Variants in EFNA5 observed in about 807,000 individuals in gnomAD.
EFNA5 encodes ephrin A5.
In EFNA5, 5 loss-of-function variants were observed where a neutral mutation model predicts 22.9. The observed-to-expected ratio is 0.22, with a 90% CI of 0.11 to 0.46. The LOEUF (loss-of-function observed/expected upper bound fraction) is 0.46, where lower values mean the gene tolerates loss of function less well. EFNA5 is among the 20% of genes least tolerant of loss of function. The pLI is 0.99. For missense variants in EFNA5, 237 were observed against 293.3 expected (o/e 0.81, Z 1.40); for synonymous variants, 113 against 112.2 (o/e 1.01, Z -0.04).
chr5:107,463,407 C>T (rs1419547398), intron 1 of EFNA5, among the ~76,000 whole-genome samples: 1 of 151,942 alleles, frequency 6.6e-6, no homozygotes, highest in Non-Finnish European at 1.5e-5. Context: ...CTCAATAATA[C>T]ATTTATTTTA....
chr5:107,634,288 G>A (rs1396173842), intron 1 of EFNA5, among the ~76,000 whole-genome samples: 1 of 152,084 alleles, frequency 6.6e-6, no homozygotes, highest in Non-Finnish European at 1.5e-5. Context: ...GGCCAAGCTG[G>A]GAGGTTTGCA....
intron 1 of EFNA5, among the ~76,000 whole-genome samples, chr5:107,544,485 T>G (rs1748109498): frequency 6.6e-6 from 1 of 152,172 alleles, no homozygotes; most frequent in Admixed American, 6.6e-5. Context: ...AGGTTGTTCT[T>G]GAAGAGAGGT....
chr5:107,423,212 T>C (rs1580441650), intron 2 of EFNA5, among the ~76,000 whole-genome samples: 2 of 152,308 alleles, frequency 1.3e-5, no homozygotes, highest in Middle Eastern at 3.4e-3. Context: ...GACCTGGGAC[T>C]CAGTTTTCCT....
In EFNA5 at chr5:107,482,846, C is replaced by G. The variant is rs1317075908; in HGVS notation, c.126-55337G>C. ...TCTCTGTCTCTGTCTCTCTCTCTCT[C>G]TCTCTCTCTCTCTCTCTCTCTCTCT... On this transcript the variant is annotated intron_variant, in intron 1 of 4. Coordinates refer to ENST00000333274, the MANE Select transcript of EFNA5 (RefSeq NM_001962.3). 6.8e-4 allele frequency among the ~76,000 whole-genome samples: 48 copies of G among 71,058 alleles called. 1 individual carries two copies. The highest frequency in any genetic ancestry group is 4.4e-3 in the Admixed American group (32 of 7,198). 46.6% of individuals were successfully genotyped at this position (71,058 alleles called of 152,430 possible).
chr5:107,638,911 G>A (rs1432154268), intron 1 of EFNA5, among the ~76,000 whole-genome samples: 2 of 152,080 alleles, frequency 1.3e-5, no homozygotes, highest in African/African-American at 4.8e-5. Flanking sequence ...ATTCTACAAT[G>A]TATACATACA....
chr5:107,470,487 T>C (rs1030938630), intron 1 of EFNA5, among the ~76,000 whole-genome samples: 2 of 152,198 alleles, frequency 1.3e-5, no homozygotes, highest in African/African-American at 2.4e-5. Context: ...GTGAAACCAT[T>C]AATGTCTGTG....
At chr5:107,652,865 C>T (rs978948090) in intron 1 of EFNA5, among the ~76,000 whole-genome samples, 1 of 151,834 alleles carries the variant, frequency 6.6e-6, no homozygotes, top group Admixed American at 6.6e-5. Flanking sequence ...GAATCTGTTC[C>T]ATATTTAAAT....
chr5:107,580,925 G>A (rs1002457005), intron 1 of EFNA5, among the ~76,000 whole-genome samples: 2 of 152,072 alleles, frequency 1.3e-5, no homozygotes, highest in African/African-American at 2.4e-5. Flanking sequence ...CCAAAAAAAC[G>A]AGCTTAGAGA....
chr5:107,542,560 G>C (rs538111399), intron 1 of EFNA5, among the ~76,000 whole-genome samples: 4 of 151,988 alleles, frequency 2.6e-5, no homozygotes, highest in South Asian at 2.1e-4. Context: ...TATAAGGGGG[G>C]GGTGCGGGGA....
chr5:107,474,561 T>C (rs776237416), intron 1 of EFNA5, among the ~76,000 whole-genome samples: 5 of 152,108 alleles, frequency 3.3e-5, no homozygotes, highest in Admixed American at 6.6e-5. Flanking sequence ...CATGCAACCA[T>C]GCATCTTTGC....
intron 1 of EFNA5, among the ~76,000 whole-genome samples, chr5:107,646,120 T>C (rs927835774): frequency 1.3e-5 from 2 of 152,178 alleles, no homozygotes; most frequent in Non-Finnish European, 2.9e-5. Flanking sequence ...AGACACTATA[T>C]GCTTAGTAAT....
intron 1 of EFNA5, among the ~76,000 whole-genome samples, chr5:107,610,451 C>G (rs545273755): frequency 1.3e-5 from 2 of 152,248 alleles, no homozygotes; most frequent in East Asian, 3.9e-4. Context: ...CTAATACAGC[C>G]AAACACGTTA....
chr5:107,586,953 C>G (rs1749199930), intron 1 of EFNA5, among the ~76,000 whole-genome samples: 1 of 152,120 alleles, frequency 6.6e-6, no homozygotes, highest in Non-Finnish European at 1.5e-5. Flanking sequence ...TAGGGGTAAT[C>G]TTACATGGAC....
intron 1 of EFNA5, among the ~76,000 whole-genome samples, chr5:107,479,549 A>G (rs886199646): frequency 8.5e-5 from 13 of 152,184 alleles, no homozygotes; most frequent in African/African-American, 2.9e-4. Context: ...TACTCGAGAC[A>G]TGGAAGTTTT....
intron 1 of EFNA5, among the ~76,000 whole-genome samples, chr5:107,491,865 C>A (rs1371376244): frequency 6.6e-6 from 1 of 152,190 alleles, no homozygotes; most frequent in Non-Finnish European, 1.5e-5. Context: ...CAGAGTCTCA[C>A]CCTGTCGCCC....
Position 107,595,552 on chromosome 5 carries a change from G to A in EFNA5, c.125+74937C>T, listed in dbSNP as rs563037144. ...AGCAATAACTCATTTTTGGGAAGCCGGGAAAGGGAAAGATAAAATTAATTT... is the reference window on the plus strand; with the variant it reads ...AGCAATAACTCATTTTTGGGAAGCCAGGAAAGGGAAAGATAAAATTAATTT... On this transcript the variant is annotated intron_variant, in intron 1 of 4. Coordinates refer to ENST00000333274, the MANE Select transcript of EFNA5 (RefSeq NM_001962.3). 8.5e-5 allele frequency among the ~76,000 whole-genome samples: 13 copies of A among 152,142 alleles called. No individual in the cohort carries two copies. In the South Asian group the frequency reaches 1.9e-3, roughly 22 times the overall value.
chr5:107,617,964 A>G (rs1470021716), intron 1 of EFNA5, among the ~76,000 whole-genome samples: 2 of 152,080 alleles, frequency 1.3e-5, no homozygotes, highest in Admixed American at 6.5e-5. Flanking sequence ...GGCACAGGAG[A>G]CCATCCTGGA....
intron 1 of EFNA5, among the ~76,000 whole-genome samples, chr5:107,640,997 T>TAGAC (rs1378177664): frequency 7.3e-6 from 1 of 137,718 alleles, no homozygotes; most frequent in East Asian, 2.0e-4. Flanking sequence ...GATAGATAGA[T>TAGAC]AGATAGATAG....
intron 1 of EFNA5, among the ~76,000 whole-genome samples, chr5:107,613,226 T>A (rs1035304758): frequency 1.3e-5 from 2 of 152,248 alleles, no homozygotes; most frequent in East Asian, 1.9e-4. Flanking sequence ...TGTCTTACAC[T>A]AATAAAAATA....
Sources: gnomAD v4.1 joint callset for allele counts (sites outside exome capture counted in the v4.1 genomes callset) on GRCh38, gnomAD v4.1.1 for gene constraint, MANE v1.5 for transcripts, NCBI Gene and HGNC (gene_info 2026-07-23, HGNC 2026-07-21) for gene names.